ASTN2: variants seen among roughly 807,000 people sequenced by gnomAD.
The protein encoded by ASTN2 is astrotactin-2.
Under a neutral mutation model 139.8 loss-of-function variants are expected in ASTN2, and 54 were observed. The ratio of observed to expected loss-of-function variants is 0.39; its 90% confidence interval spans 0.31 to 0.48. ASTN2 has a LOEUF of 0.48. Among genes scored for constraint, ASTN2 ranks in the 20% least tolerant of loss-of-function variants. The pLI is 0.95. For synonymous variants in ASTN2, 756 were observed against 719.5 expected (o/e 1.05, Z -0.81); for missense variants, 1,565 against 1,725.1 (o/e 0.91, Z 1.64).
intron 16 of ASTN2, among the ~76,000 whole-genome samples, chr9:116,722,758 A>G (rs923458719): frequency 7.9e-5 from 12 of 151,914 alleles, no homozygotes; most frequent in Admixed American, 4.6e-4. Context: ...TATTTGGTCT[A>G]TTTTCCCCAA....
At chr9:116,948,785 G>GTTTTTTTTTGTTGTTTTT (rs1835471141) in intron 10 of ASTN2, among the ~76,000 whole-genome samples, 1 of 49,472 alleles carries the variant, frequency 2.0e-5, no homozygotes, top group African/African-American at 8.6e-5. Flanking sequence ...ATAATTTGGT[G>GTTTTTTTTTGTTGTTTTT]TTTTTTTTTT....
At chr9:117,342,142 C>A (rs1829079827) in intron 1 of ASTN2, among the ~76,000 whole-genome samples, 1 of 152,168 alleles carries the variant, frequency 6.6e-6, no homozygotes, top group Admixed American at 6.5e-5. Context: ...TATTCATTAA[C>A]TGTTGTTAAC....
chr9:116,851,510 CTATCTAGT>C (rs1381827051), intron 11 of ASTN2, among the ~76,000 whole-genome samples: 3 of 145,164 alleles, frequency 2.1e-5, no homozygotes, highest in African/African-American at 5.1e-5. Context: ...ATCTATCTAT[CTATCTAGT>C]TATCTATCTA....
chr9:117,294,792 T>C (rs1834687518), intron 1 of ASTN2, among the ~76,000 whole-genome samples: 1 of 152,174 alleles, frequency 6.6e-6, no homozygotes, highest in Non-Finnish European at 1.5e-5. Flanking sequence ...TACAACTGTT[T>C]CTCAAACAAG....
At chr9:116,834,705 C>A (rs1040762252) in intron 11 of ASTN2, among the ~76,000 whole-genome samples, 2 of 152,152 alleles carry the variant, frequency 1.3e-5, no homozygotes, top group Admixed American at 6.5e-5. Context: ...ATAATTAGGT[C>A]ATGCTTTTAA....
At chr9:116,832,405 A>G (rs10115783) in intron 11 of ASTN2, among the ~76,000 whole-genome samples, 36,064 of 151,818 alleles carry the variant, frequency 0.24, 4,907 homozygotes, top group East Asian at 0.5. Flanking sequence ...GTTGAATAAC[A>G]GTGGGCAGAG....
chr9:117,291,658 G>A (rs1834597449), intron 1 of ASTN2, 145 bp from the exon 2 acceptor site: 2 of 642,412 alleles, frequency 3.1e-6, no homozygotes, highest in Admixed American at 3.2e-5. Flanking sequence ...TATGAGATAG[G>A]GATCATCACT....
intron 1 of ASTN2, among the ~76,000 whole-genome samples, chr9:117,413,564 C>G (rs1831233835): frequency 6.6e-6 from 1 of 152,196 alleles, no homozygotes; most frequent in African/African-American, 2.4e-5. Context: ...TATCAATTAC[C>G]CGGGTGGGAA....
At chr9:116,475,682 C>T (rs1187163058) in intron 20 of ASTN2, among the ~76,000 whole-genome samples, 5 of 152,162 alleles carry the variant, frequency 3.3e-5, no homozygotes, top group Non-Finnish European at 5.9e-5. Context: ...TCAAGGGCCT[C>T]GGGGACCTGC....
At chr9:117,177,788 C>A (rs749583022) in intron 3 of ASTN2, among the ~76,000 whole-genome samples, 3 of 152,144 alleles carry the variant, frequency 2.0e-5, no homozygotes, top group Admixed American at 6.5e-5. Flanking sequence ...ATGCAGCAAC[C>A]TGCGACCTGT....
intron 7 of ASTN2, among the ~76,000 whole-genome samples, chr9:116,992,292 T>C (rs754565181): frequency 3.9e-5 from 6 of 152,172 alleles, no homozygotes; most frequent in Non-Finnish European, 8.8e-5. Flanking sequence ...AAGGAAGCCT[T>C]GGGCCAGATA....
intron 19 of ASTN2, among the ~76,000 whole-genome samples, chr9:116,530,308 TAGAG>T (rs1361112268): frequency 4.0e-5 from 6 of 151,292 alleles, no homozygotes; most frequent in Non-Finnish European, 8.9e-5. Context: ...GTCAAACTAA[TAGAG>T]AGTAAAATCA....
chr9:116,867,838 T>C (rs1833057284), intron 10 of ASTN2, among the ~76,000 whole-genome samples: 1 of 152,124 alleles, frequency 6.6e-6, no homozygotes, highest in South Asian at 2.1e-4. Context: ...GGCTAGGGAA[T>C]GAAGAATCTG....
intron 3 of ASTN2, among the ~76,000 whole-genome samples, chr9:117,177,789 T>G (rs992370467): frequency 2.0e-5 from 3 of 152,224 alleles, no homozygotes; most frequent in Non-Finnish European, 4.4e-5. Flanking sequence ...TGCAGCAACC[T>G]GCGACCTGTT....
intron 1 of ASTN2, among the ~76,000 whole-genome samples, chr9:117,389,566 C>G (rs981904426): frequency 6.6e-6 from 1 of 152,138 alleles, no homozygotes; most frequent in Admixed American, 6.6e-5. Context: ...TTACCTACCT[C>G]CAGCCATTTA....
At chr9:116,447,346 T>G (rs1319110554) in intron 20 of ASTN2, among the ~76,000 whole-genome samples, 1 of 152,184 alleles carries the variant, frequency 6.6e-6, no homozygotes, top group African/African-American at 2.4e-5. Context: ...ACCCCTTCAC[T>G]TCTTTCTTGC....
chr9:116,699,326 C>T lies in ASTN2; in HGVS notation c.2806+26445G>A. 1.2e-6 allele frequency: 2 copies of T among 1,614,228 alleles called. No individual in the cohort carries two copies. Among genetic ancestry groups the T allele is most frequent in the African/African-American group, 1.3e-5 (1 of 75,054 alleles). On this transcript the variant is annotated intron_variant, in intron 16 of 22. Transcript: ENST00000313400. This position sits in a 1 kb window ranked among gnomAD's most constrained non-coding sequence, Gnocchi z 4.2. ...CCTGTGATGCTGAGGGCACCGTCTA[C>T]TTCACCCAGGGCTTAGGCCTCAATC... is the stretch of plus-strand genomic sequence containing the variant.
At chr9:116,607,143 T>G (rs2131781245) in intron 19 of ASTN2, among the ~76,000 whole-genome samples, 1 of 152,298 alleles carries the variant, frequency 6.6e-6, no homozygotes, top group South Asian at 2.1e-4. Flanking sequence ...AGCTAGGTTG[T>G]AAGACTACAG....
intron 4 of ASTN2, among the ~76,000 whole-genome samples, chr9:117,120,366 C>T (rs1036640672): frequency 2.0e-5 from 3 of 151,990 alleles, no homozygotes; most frequent in Admixed American, 2.0e-4. Context: ...GCCTGGGTGC[C>T]CATGAGGAAG....
Sources: gnomAD v4.1 joint callset for allele counts (sites outside exome capture counted in the v4.1 genomes callset) on GRCh38, gnomAD v4.1.1 for gene constraint, Gnocchi (gnomAD v3.1) non-coding constraint, MANE v1.5 for transcripts, NCBI Gene and HGNC (gene_info 2026-07-23, HGNC 2026-07-21) for gene names.